Variants in DUOX1 observed in about 807,000 individuals in gnomAD.
DUOX1 encodes dual oxidase 1.
Under a neutral mutation model 181.8 loss-of-function variants are expected in DUOX1, and 134 were observed. The ratio of observed to expected loss-of-function variants is 0.74; its 90% CI spans 0.64 to 0.85. The LOEUF (loss-of-function observed/expected upper bound fraction) is 0.85. Ranked by LOEUF, DUOX1 falls within the 40% of genes least tolerant of loss-of-function variation. The pLI, the probability that DUOX1 is intolerant of heterozygous loss-of-function variation, is 0.00. For missense variants in DUOX1, 1,814 were observed against 2,064.4 expected, an observed-to-expected ratio of 0.88 and a Z score of 2.35; for synonymous variants, 798 against 832.5, an observed-to-expected ratio of 0.96 and a Z score of 0.71.
intron 20 of DUOX1, 36 bp from the exon 21 acceptor site, chr15:45,148,236 A>G: frequency 6.2e-7 from 1 of 1,612,996 alleles, no homozygotes; most frequent in Non-Finnish European, 8.5e-7. Flanking sequence ...CGCAGGCCCC[A>G]GTCAGGGCCG....
chr15:45,146,974 C>T (rs1243672556), intron 18 of DUOX1, among the ~76,000 whole-genome samples: 1 of 152,180 alleles, frequency 6.6e-6, no homozygotes, highest in African/African-American at 2.4e-5. Context: ...AGAGAAACCC[C>T]AATAAGCTAG....
chr15:45,144,165 T>C lies in DUOX1; in HGVS notation c.2066T>C (p.Val689Ala), dbSNP rs778937390. 2.5e-6 allele frequency: 4 copies of C among 1,614,124 alleles called. No homozygotes were observed. In the East Asian group the frequency reaches 8.9e-5, roughly 36 times the overall value. ...ATCCAGCTGCAGCCTCCACAGAAGG[T>C]CAACTTCGTCCTGTCCAGCAACCGT... ...RTIQLQPPQK[V>A]NFVLSSNRGR... The change falls in exon 17 of 34, where the codon GTC becomes GCC. Residue 689 changes from valine to alanine, a missense_variant. By Grantham distance (64) the Val-to-Ala change is moderately conservative. Coordinates refer to ENST00000389037, the MANE Select transcript of DUOX1 (RefSeq NM_175940.3).
rs764190451 is a variant in DUOX1 at position 45,150,641 on chromosome 15, T to C, written c.2828T>C (p.Val943Ala). Residue 943 changes from valine to alanine, a missense_variant, in exon 22 of 34, where the codon GTG (valine) becomes GCG (alanine). Physicochemically the swap from Val to Ala is moderately conservative, Grantham distance 64. Transcript: ENST00000389037. Reference protein sequence around the residue: ...FTQLCVKGVEVPEVIKDLCRR... With the variant: ...FTQLCVKGVEAPEVIKDLCRR... ...TGGCTCTGCTTTGCAGGGGTGGAGG[T>C]GCCTGAAGTCATCAAGGACCTCTGC... 6.2e-7 allele frequency: 1 copy of C among 1,613,784 alleles called. No individual in the cohort carries two copies. Among genetic ancestry groups the C allele is most frequent in the South Asian group, 1.1e-5 (1 of 91,066 alleles).
intron 15 of DUOX1, among the ~76,000 whole-genome samples, chr15:45,142,634 A>G (rs1240773297): frequency 6.6e-6 from 1 of 152,120 alleles, no homozygotes; most frequent in Non-Finnish European, 1.5e-5. Flanking sequence ...CTGAGGCAGG[A>G]GAATCAATTG....
chr15:45,146,829 T>C (rs1896667151), intron 18 of DUOX1, among the ~76,000 whole-genome samples: 1 of 152,160 alleles, frequency 6.6e-6, no homozygotes, highest in African/African-American at 2.4e-5. Flanking sequence ...TTCCTCACTG[T>C]CTGTTCTCTC....
chr15:45,162,054 G>T, intron 30 of DUOX1, 84 bp downstream of exon 30: 1 of 1,473,900 alleles, frequency 6.8e-7, no homozygotes. Flanking sequence ...TCCCCGCTCT[G>T]TGCCTCCCCT....
intron 28 of DUOX1, 94 bp downstream of exon 28, chr15:45,156,023 C>A: frequency 6.6e-7 from 1 of 1,523,098 alleles, no homozygotes; most frequent in Non-Finnish European, 9.0e-7. Context: ...CAATTTCTAG[C>A]TATTTGAAGC....
In DUOX1 at chr15:45,137,942, C is replaced by T; in HGVS notation, c.1041C>T (p.Phe347=). The T allele has an allele frequency of 6.2e-7, 1 of 1,608,326 alleles. No homozygotes were observed. Among genetic ancestry groups the T allele is most frequent in the Non-Finnish European group, 8.5e-7 (1 of 1,176,876 alleles). The change falls in exon 10 of 34, where the codon TTC becomes TTT. Residue 347 remains phenylalanine, a synonymous_variant. Coordinates refer to ENST00000389037, the MANE Select transcript of DUOX1 (RefSeq NM_175940.3). ...ATTTCAGAAATGCCAGCTGCCACTT[C>T]CAGGGGGTCATCAATCGGAACTCAA... The part of the protein sequence containing the change: ...GVYMRNASCH[F]QGVINRNSSV...
chr15:45,142,628 G>A lies in DUOX1; in HGVS notation c.1822+516G>A, dbSNP rs111691414. Among the ~76,000 whole-genome samples, 971 of 152,240 alleles carry A rather than the reference G, an allele frequency of 6.4e-3. 3 individuals are homozygous for A. Among genetic ancestry groups the A allele is most frequent in the Middle Eastern group, 0.017 (5 of 294 alleles). ...TAATCCCAGCTACTCGGGAGGCTGA[G>A]GCAGGAGAATCAATTGAATCTGGGA... On this transcript the variant is annotated intron_variant, in intron 15 of 33. Coordinates refer to ENST00000389037, the MANE Select transcript of DUOX1 (RefSeq NM_175940.3).
intron 8 of DUOX1, 35 bp downstream of exon 8, chr15:45,136,445 C>T (rs780093125): frequency 1.9e-6 from 3 of 1,603,530 alleles, no homozygotes; most frequent in African/African-American, 1.3e-5. Flanking sequence ...GGAGGGCTTG[C>T]GTGTGTCTTG....
rs1374805238 is a variant in DUOX1 at position 45,162,495 on chromosome 15, T to G, written c.4248+118T>G. ...CTTCCCTGAACTGGGCAGGGGCAAG[T>G]TGGTTTGAAACCTGGGGTTGGGTGG... On this transcript the variant is annotated intron_variant, in intron 31 of 33. Transcript: ENST00000389037. 19 of 1,395,274 alleles carry G rather than the reference T, an allele frequency of 1.4e-5. No homozygotes were observed. In the Admixed American group the frequency reaches 4.6e-4, roughly 33 times the overall value. 86.4% of individuals were successfully genotyped at this position (1,395,274 alleles called of 1,614,324 possible).
At chr15:45,143,991 C>G (rs1262049528) in intron 16 of DUOX1, 45 bp from the exon 17 acceptor site, 4 of 1,602,134 alleles carry the variant, frequency 2.5e-6, no homozygotes, top group Non-Finnish European at 3.4e-6. Flanking sequence ...CCCAATGTAC[C>G]TCTGATGGGT....
At chr15:45,148,142 G>A in intron 20 of DUOX1, 130 bp from the exon 21 acceptor site, 1 of 1,463,084 alleles carries the variant, frequency 6.8e-7, no homozygotes, top group Non-Finnish European at 9.5e-7. Context: ...ACTAGCAGGG[G>A]GCTTGGGATG....
chr15:45,130,964 C>T (rs149467540), intron 1 of DUOX1, among the ~76,000 whole-genome samples: 232 of 152,344 alleles, frequency 1.5e-3, no homozygotes, highest in Non-Finnish European at 2.8e-3. Context: ...CTGTGAAATG[C>T]AGCAGGTGAT....
At chr15:45,147,868 G>C (rs772290813) in intron 19 of DUOX1, 36 bp from the exon 20 acceptor site, 8 of 1,586,714 alleles carry the variant, frequency 5.0e-6, no homozygotes. Context: ...AGGCAGGCAG[G>C]CGGGGGCTCT....
At chr15:45,152,557 C>A (rs1290167833) in intron 25 of DUOX1, 41 bp downstream of exon 25, 3 of 1,567,872 alleles carry the variant, frequency 1.9e-6, no homozygotes, top group Non-Finnish European at 2.6e-6. Flanking sequence ...CAGGGCCTCC[C>A]GCCCCCGCTG....
In DUOX1 at chr15:45,134,231, G is replaced by C; in HGVS notation, c.229G>C (p.Asp77His). The C allele has an allele frequency of 1.3e-6, 2 of 1,580,270 alleles. No homozygotes were observed. The highest frequency in any genetic ancestry group is 1.7e-6 in the Non-Finnish European group (2 of 1,165,832). Reference protein sequence around the residue: ...LGEPHLPNPRDLSNTISRGPA... With the variant: ...LGEPHLPNPRHLSNTISRGPA... ...AGAACCCCACCTGCCCAACCCCCGA[G>C]ACCTTAGCAACACCATCTCAAGGGG... is the stretch of plus-strand genomic sequence containing the variant. The change falls in exon 4 of 34, where the codon GAC (aspartate) becomes CAC (histidine). Residue 77 changes from aspartate (D) to histidine (H), a missense_variant. This residue lies in a region of DUOX1 where 320 missense variants were observed against 313.1 expected (regional missense o/e 1.02). Coordinates refer to ENST00000389037, the MANE Select transcript of DUOX1 (RefSeq NM_175940.3).
At chr15:45,131,748 A>C in intron 1 of DUOX1, 170 bp from the exon 2 acceptor site, 1 of 591,952 alleles carries the variant, frequency 1.7e-6, no homozygotes, top group Admixed American at 3.0e-5. Flanking sequence ...GGTGCTCATG[A>C]AGTATTTGCC....
chr15:45,131,829 C>A, intron 1 of DUOX1, 89 bp from the exon 2 acceptor site: 1 of 926,510 alleles, frequency 1.1e-6, no homozygotes, highest in Non-Finnish European at 1.7e-6. Context: ...CTTGGCCCAG[C>A]CCCAGGCCTT....
Sources: allele counts gnomAD v4.1 joint callset (sites outside exome capture counted in the v4.1 genomes callset), GRCh38; gene constraint gnomAD v4.1.1; regional missense constraint gnomAD v4.1.1; transcripts MANE v1.5; gene names NCBI Gene and HGNC (gene_info 2026-07-23, HGNC 2026-07-21).